Variants in TSG101 observed in about 807,000 individuals in gnomAD.
TSG101 encodes tumor susceptibility 101.
A neutral mutation model predicts 48.5 loss-of-function variants in TSG101; 19 were observed. That is an observed-to-expected ratio of 0.39 (90% CI 0.27 to 0.58). The LOEUF is 0.58. TSG101 is among the 20% of genes least tolerant of loss of function. The pLI, the probability that TSG101 is intolerant of heterozygous loss-of-function variation, is 0.55. For missense variants in TSG101, 365 were observed against 484.4 expected, an observed-to-expected ratio of 0.75 and a Z score of 2.31; for synonymous variants, 174 against 169.4, an observed-to-expected ratio of 1.03 and a Z score of -0.21.
At chr11:18,509,393 A>G in intron 5 of TSG101, 149 bp downstream of exon 5, 1 of 1,040,058 alleles carries the variant, frequency 9.6e-7, no homozygotes, top group Admixed American at 2.9e-5. Context: ...CTGTACATGC[A>G]GATGTGGGGC....
intron 7 of TSG101, among the ~76,000 whole-genome samples, chr11:18,487,536 A>AT (rs920271008): frequency 2.0e-5 from 3 of 151,992 alleles, no homozygotes; most frequent in South Asian, 2.1e-4. Flanking sequence ...AACCATTAAA[A>AT]TTTTTTTTCT....
At chr11:18,503,191 A>G (rs1849915804) in intron 6 of TSG101, among the ~76,000 whole-genome samples, 1 of 152,166 alleles carries the variant, frequency 6.6e-6, no homozygotes, top group African/African-American at 2.4e-5. Context: ...ATCATTTATA[A>G]CATCCCTGAC....
chr11:18,508,445 C>A (rs999766969), intron 5 of TSG101: 1 of 152,026 alleles, frequency 6.6e-6, no homozygotes, highest in Non-Finnish European at 1.5e-5. Context: ...TCCACCCCCA[C>A]CTCGGCCTCC....
At chr11:18,483,242 C>A (rs572448057) in intron 8 of TSG101, among the ~76,000 whole-genome samples, 32 of 152,230 alleles carry the variant, frequency 2.1e-4, no homozygotes, top group African/African-American at 7.5e-4. Flanking sequence ...CTCCTGTAAT[C>A]CCAACACTTT....
intron 3 of TSG101, 60 bp downstream of exon 3, chr11:18,516,039 G>T: frequency 6.9e-7 from 1 of 1,458,500 alleles, no homozygotes; most frequent in Non-Finnish European, 9.5e-7. Context: ...TAACTCTTTG[G>T]CAACATATTT....
chr11:18,481,565 G>T, intron 9 of TSG101, 65 bp downstream of exon 9: 2 of 1,556,032 alleles, frequency 1.3e-6, no homozygotes, highest in Non-Finnish European at 8.6e-7. Flanking sequence ...TTGGTTTGTG[G>T]TTTGCAAGGT....
chr11:18,510,938 C>A (rs1462719299), intron 4 of TSG101: 2 of 76,152 alleles, frequency 2.6e-5, no homozygotes, highest in African/African-American at 9.6e-5. Flanking sequence ...CAAAACCCAA[C>A]AACAACGACA....
intron 7 of TSG101, among the ~76,000 whole-genome samples, chr11:18,496,458 A>AAAATAAAATAAAATAAAAT (rs1849780133): frequency 1.1e-5 from 1 of 88,222 alleles, no homozygotes; most frequent in South Asian, 4.2e-4. Context: ...AAAATAAAAT[A>AAAATAAAATAAAATAAAAT]AAATAAAATA....
At chr11:18,485,746 A>C (rs1431098205) in intron 7 of TSG101, among the ~76,000 whole-genome samples, 1 of 152,238 alleles carries the variant, frequency 6.6e-6, no homozygotes, top group South Asian at 2.1e-4. Flanking sequence ...ATGTGGTTGG[A>C]AACAGTGCTG....
At chr11:18,488,351 A>G (rs1245980540) in intron 7 of TSG101, among the ~76,000 whole-genome samples, 2 of 152,146 alleles carry the variant, frequency 1.3e-5, no homozygotes, top group Non-Finnish European at 2.9e-5. Context: ...TGTTAAAGGT[A>G]GAGGGGTGAT....
rs188301659 is a variant in TSG101, at chr11:18,520,986, G to A, written c.43-1383C>T. ...GCAGAGGTTGCAGTGAGCCGAGATC[G>A]TGCCCTTGCACTCCAGCCTGGGTGA... On this transcript the variant is annotated intron_variant, in intron 1 of 9. Coordinates refer to ENST00000251968, the MANE Select transcript of TSG101 (RefSeq NM_006292.4). Among the ~76,000 whole-genome samples the A allele has an allele frequency of 1.7e-4, 26 of 151,724 alleles. 2 individuals are homozygous for A. In the South Asian group the frequency reaches 4.2e-3, roughly 24 times the overall value.
chr11:18,514,602 G>C, intron 4 of TSG101, 76 bp downstream of exon 4: 3 of 1,256,162 alleles, frequency 2.4e-6, no homozygotes, highest in Non-Finnish European at 3.2e-6. Flanking sequence ...TCCTCCTTGA[G>C]TGCTAAAAGA....
rs76797067 is a variant in TSG101 at position 18,499,158 on chromosome 11, G to A, written c.640+3328C>T. Among the ~76,000 whole-genome samples the A allele has an allele frequency of 8.8e-3, 1,270 of 144,288 alleles. 8 individuals carry two copies. Among genetic ancestry groups the A allele is most frequent in the Middle Eastern group, 0.029 (8 of 272 alleles). 94.7% of individuals were successfully genotyped at this position (144,288 alleles called of 152,430 possible). A position where few individuals can be genotyped will look rare whatever the true frequency, so the allele number is the denominator to read the frequency against. On this transcript the variant is annotated intron_variant, in intron 7 of 9. Coordinates refer to ENST00000251968, the MANE Select transcript of TSG101 (RefSeq NM_006292.4). Reference sequence around the variant, plus strand: ...AAGAATGAAGACATCCAATAGTGGTGGCAGGAAAAGTGGAATAGAGAAGAG... The same window carrying A: ...AAGAATGAAGACATCCAATAGTGGTAGCAGGAAAAGTGGAATAGAGAAGAG...
At chr11:18,515,199 T>C (rs765269806) in intron 3 of TSG101, among the ~76,000 whole-genome samples, 9 of 152,216 alleles carry the variant, frequency 5.9e-5, no homozygotes. Context: ...CACTTTTTCA[T>C]TTTATAATTC....
intron 6 of TSG101, among the ~76,000 whole-genome samples, chr11:18,502,913 A>C (rs1357175743): frequency 2.6e-5 from 4 of 152,238 alleles, no homozygotes; most frequent in African/African-American, 9.6e-5. Context: ...CCGATTTCTC[A>C]GTCTGTGGGA....
intron 7 of TSG101, among the ~76,000 whole-genome samples, chr11:18,501,887 G>C (rs916316270): frequency 6.6e-6 from 1 of 152,170 alleles, no homozygotes; most frequent in South Asian, 2.1e-4. Flanking sequence ...CATTAGAGGG[G>C]ATAAGGTCTA....
At chr11:18,508,731 G>A (rs1049533758) in intron 5 of TSG101, 1 of 151,890 alleles carries the variant, frequency 6.6e-6, no homozygotes, top group East Asian at 1.9e-4. Flanking sequence ...CCTCAGGAAA[G>A]AATGGATTAA....
At chr11:18,486,863 C>G (rs1193342949) in intron 7 of TSG101, among the ~76,000 whole-genome samples, 1 of 151,974 alleles carries the variant, frequency 6.6e-6, no homozygotes, top group African/African-American at 2.4e-5. Flanking sequence ...GACTTGGAAC[C>G]AACCCAAATG....
intron 7 of TSG101, among the ~76,000 whole-genome samples, chr11:18,497,550 T>TA (rs143627574): frequency 0.11 from 17,167 of 152,004 alleles, 1,223 homozygotes; most frequent in South Asian, 0.24. Context: ...ATCTAAGCTA[T>TA]AAAAAAATGC....
Sources: gnomAD v4.1 joint callset for allele counts (sites outside exome capture counted in the v4.1 genomes callset) on GRCh38, gnomAD v4.1.1 for gene constraint, MANE v1.5 for transcripts, NCBI Gene and HGNC (gene_info 2026-07-23, HGNC 2026-07-21) for gene names.